The following KCNB2 variants were observed in gnomAD, a reference collection of about 807,000 sequenced individuals.
KCNB2 encodes delayed rectifier potassium channel protein.
KCNB2 carries 15 observed loss-of-function variants against 61.5 expected under a neutral mutation model. The observed-to-expected ratio is 0.24, with a 90% CI of 0.16 to 0.38. The LOEUF is 0.38. Among genes scored for constraint, KCNB2 ranks in the 10% least tolerant of loss-of-function variants. The probability of loss-of-function intolerance (pLI) is 1.00; values close to 1 mark genes in which losing one functional copy is unlikely to be tolerated. For missense variants in KCNB2, 828 were observed against 1,125.2 expected (o/e 0.74, Z 3.78); for synonymous variants, 457 against 446.0 (o/e 1.02, Z -0.31).
chr8:72,919,147 T>A (rs908458353), intron 2 of KCNB2, among the ~76,000 whole-genome samples: 2 of 152,248 alleles, frequency 1.3e-5, no homozygotes, highest in African/African-American at 4.8e-5. Flanking sequence ...TTTATATGCA[T>A]GCGTATGTTA....
intron 2 of KCNB2, among the ~76,000 whole-genome samples, chr8:72,785,855 GC>G (rs1808837869): frequency 1.3e-5 from 2 of 152,032 alleles, no homozygotes; most frequent in Non-Finnish European, 2.9e-5. Flanking sequence ...TGGTTTAGGT[GC>G]TGAATGAGAC....
intron 2 of KCNB2, among the ~76,000 whole-genome samples, chr8:72,673,575 T>C (rs1223750334): frequency 6.6e-6 from 1 of 152,234 alleles, no homozygotes; most frequent in African/African-American, 2.4e-5. Flanking sequence ...AACAGACTAA[T>C]ACATGTGTTA....
chr8:72,791,142 A>G (rs550930194), intron 2 of KCNB2, among the ~76,000 whole-genome samples: 1 of 152,200 alleles, frequency 6.6e-6, no homozygotes, highest in African/African-American at 2.4e-5. Flanking sequence ...GATGTTAGAG[A>G]CTCAGGCAGT....
intron 2 of KCNB2, chr8:72,875,288 C>G (rs1805685075): frequency 6.6e-6 from 1 of 152,260 alleles, no homozygotes; most frequent in African/African-American, 2.4e-5. Flanking sequence ...TACTGTTATC[C>G]TGAACCCTCC....
intron 2 of KCNB2, among the ~76,000 whole-genome samples, chr8:72,884,338 C>T (rs911917870): frequency 2.0e-5 from 3 of 151,868 alleles, no homozygotes; most frequent in Non-Finnish European, 4.4e-5. Context: ...TTTTGTGCAT[C>T]ACAAATAACT....
intron 2 of KCNB2, among the ~76,000 whole-genome samples, chr8:72,664,974 A>G (rs1361694152): frequency 3.3e-5 from 5 of 152,170 alleles, no homozygotes; most frequent in Non-Finnish European, 4.4e-5. Context: ...AAAGAGCCAG[A>G]GAGACTGCAG....
At chr8:72,889,958 G>C (rs1377108156) in intron 2 of KCNB2, among the ~76,000 whole-genome samples, 1 of 152,046 alleles carries the variant, frequency 6.6e-6, no homozygotes, top group Non-Finnish European at 1.5e-5. Flanking sequence ...GCTTCATCAG[G>C]CTGGTCTTGA....
chr8:72,713,787 G>A (rs1017764735), intron 2 of KCNB2, among the ~76,000 whole-genome samples: 2 of 152,184 alleles, frequency 1.3e-5, no homozygotes, highest in Non-Finnish European at 2.9e-5. Flanking sequence ...CTCCTCACCA[G>A]CAATGGAACA....
intron 1 of KCNB2, among the ~76,000 whole-genome samples, chr8:72,555,346 CAT>C (rs1806406685): frequency 6.6e-6 from 1 of 151,460 alleles, no homozygotes; most frequent in South Asian, 2.1e-4. Flanking sequence ...CAAATGAGAT[CAT>C]AACTTTGGCT....
intron 2 of KCNB2, among the ~76,000 whole-genome samples, chr8:72,707,707 G>A (rs1266380260): frequency 4.6e-5 from 7 of 152,180 alleles, no homozygotes; most frequent in Non-Finnish European, 5.9e-5. Flanking sequence ...CGTGAGTAAG[G>A]TTTAACGTTT....
At chr8:72,852,531 A>G (rs1294652585) in intron 2 of KCNB2, among the ~76,000 whole-genome samples, 7 of 152,224 alleles carry the variant, frequency 4.6e-5, no homozygotes, top group South Asian at 4.1e-4. Context: ...TTGGTTTTAT[A>G]GCAGAATATA....
chr8:72,937,966 G>A lies in KCNB2; in HGVS notation c.2611G>A (p.Val871Met), dbSNP rs1585989752. 1 of 1,614,088 alleles carries A rather than the reference G, an allele frequency of 6.2e-7. No homozygotes were observed. Among genetic ancestry groups the A allele is most frequent in the South Asian group, 1.1e-5 (1 of 91,084 alleles). The change falls in exon 3 of 3, where the codon GTG becomes ATG. Residue 871 changes from valine (V) to methionine (M), a missense_variant. By Grantham distance (21) the Val-to-Met change is conservative (BLOSUM62 1). Coordinates refer to ENST00000523207, the MANE Select transcript of KCNB2 (RefSeq NM_004770.3). ...CTGTAGGCAAGACATTTACCATGCT[G>A]TGAGTGAAGTCAAAAAGGACAGTAG... ...HNCRQDIYHA[V>M]SEVKKDSSQE...
At chr8:72,758,565 T>TA (rs1808329550) in intron 2 of KCNB2, among the ~76,000 whole-genome samples, 1 of 152,182 alleles carries the variant, frequency 6.6e-6, no homozygotes, top group South Asian at 2.1e-4. Flanking sequence ...TTTCTGAGAG[T>TA]AAAATCTCCT....
rs1178260227 is a variant in KCNB2 at position 72,568,130 on chromosome 8, C to T, written c.396C>T (p.Tyr132=). 6.2e-7 allele frequency: 1 copy of T among 1,614,074 alleles called. No homozygotes were observed. The highest frequency in any genetic ancestry group is 1.1e-5 in the South Asian group (1 of 91,068). ...ELDYWGIDEI[Y]LESCCQARYH... ...ATTACTGGGGGATTGATGAGATCTA[C>T]TTGGAGTCCTGCTGCCAGGCCAGAT... The change falls in exon 2 of 3, where the codon TAC becomes TAT. Residue 132 remains tyrosine, a synonymous_variant. Coordinates refer to ENST00000523207, the MANE Select transcript of KCNB2 (RefSeq NM_004770.3).
intron 2 of KCNB2, among the ~76,000 whole-genome samples, chr8:72,801,098 AAC>A (rs1809118426): frequency 6.6e-6 from 1 of 152,172 alleles, no homozygotes; most frequent in Non-Finnish European, 1.5e-5. Flanking sequence ...CACTCCAGGG[AAC>A]ATAATGCAAG....
chr8:72,684,575 T>A (rs1806816366), intron 2 of KCNB2, among the ~76,000 whole-genome samples: 1 of 152,076 alleles, frequency 6.6e-6, no homozygotes, highest in Admixed American at 6.5e-5. Flanking sequence ...CCACCTACCC[T>A]CAAATGATAA....
intron 2 of KCNB2, among the ~76,000 whole-genome samples, chr8:72,609,919 C>T (rs779290826): frequency 6.6e-6 from 1 of 152,146 alleles, no homozygotes; most frequent in Non-Finnish European, 1.5e-5. Flanking sequence ...CTGCTGTTCA[C>T]GTGGAATATT....
At chr8:72,901,321 T>C (rs1373337021) in intron 2 of KCNB2, among the ~76,000 whole-genome samples, 1 of 152,168 alleles carries the variant, frequency 6.6e-6, no homozygotes, top group African/African-American at 2.4e-5. Flanking sequence ...CAAGAAACAG[T>C]AGCAGGGTTT....
At chr8:72,588,491 G>A (rs994286227) in intron 2 of KCNB2, among the ~76,000 whole-genome samples, 6 of 151,744 alleles carry the variant, frequency 4.0e-5, no homozygotes, top group African/African-American at 1.5e-4. Flanking sequence ...CGCCCACCTC[G>A]GCCTCCCAAA....
Sources: allele counts gnomAD v4.1 joint callset (sites outside exome capture counted in the v4.1 genomes callset), GRCh38; gene constraint gnomAD v4.1.1; transcripts MANE v1.5; gene names NCBI Gene and HGNC (gene_info 2026-07-23, HGNC 2026-07-21).